FANCB: variants seen among roughly 807,000 people sequenced by gnomAD.
The protein encoded by FANCB is FA complementation group B.
In FANCB, 5 loss-of-function variants were observed where a neutral mutation model predicts 38.9. The observed-to-expected ratio is 0.13, with a 90% CI of 0.07 to 0.27. The LOEUF (loss-of-function observed/expected upper bound fraction) is 0.27. Ranked by LOEUF, FANCB falls within the 10% of genes least tolerant of loss-of-function variation. The pLI is 1.00. For synonymous variants in FANCB, 236 were observed against 215.4 expected (o/e 1.10, Z -0.84); for missense variants, 573 against 602.7 (o/e 0.95, Z 0.52).
the FANCB span, among the ~76,000 whole-genome samples, chrX:14,766,448 C>T: frequency 9.0e-6 from 1 of 111,551 alleles, no homozygotes; most frequent in Middle Eastern, 4.6e-3. Context: ...AATATGTGTT[C>T]TTCCTTCAAA....
At chrX:14,847,200 CCTTGTATGTTTCAAATGTT>C (rs1041392068) in intron 7 of FANCB, among the ~76,000 whole-genome samples, 24 of 110,211 alleles carry the variant, frequency 2.2e-4, no homozygotes, top group African/African-American at 7.9e-4. Context: ...ACACTATTCT[CCTTGTATGTTTCAAATGTT>C]CTATATATAA....
the FANCB span, among the ~76,000 whole-genome samples, chrX:14,700,435 C>A: frequency 9.0e-6 from 1 of 111,002 alleles, no homozygotes; most frequent in South Asian, 3.9e-4. Flanking sequence ...CAGAGACAGG[C>A]AGGGGGAAAG....
the FANCB span, among the ~76,000 whole-genome samples, chrX:14,733,273 C>A: frequency 9.0e-6 from 1 of 111,532 alleles, no homozygotes; most frequent in Non-Finnish European, 1.9e-5. Flanking sequence ...GTTACTGTAG[C>A]CTTGTAGTAT....
intron 7 of FANCB, among the ~76,000 whole-genome samples, chrX:14,849,008 C>A (rs1202321684): frequency 1.8e-5 from 2 of 111,178 alleles, no homozygotes; most frequent in African/African-American, 6.6e-5. Context: ...GCATTGCGGG[C>A]TGCTGGCCAG....
the FANCB span, among the ~76,000 whole-genome samples, chrX:14,794,879 G>T: frequency 8.9e-6 from 1 of 112,080 alleles, no homozygotes; most frequent in East Asian, 2.8e-4. Flanking sequence ...TAAAAGGTGC[G>T]ACTGAGAAGG....
chrX:14,713,118 G>A, the FANCB span, among the ~76,000 whole-genome samples: 1 of 112,061 alleles, frequency 8.9e-6, no homozygotes, highest in East Asian at 2.8e-4. Context: ...GCACGATAAA[G>A]ATCTAGAGAA....
At chrX:14,783,284 G>A in the FANCB span, among the ~76,000 whole-genome samples, 1 of 112,007 alleles carries the variant, frequency 8.9e-6, no homozygotes, top group Non-Finnish European at 1.9e-5. Flanking sequence ...AGCCCTGCTA[G>A]GTCTTTGATG....
chrX:14,774,500 T>A, the FANCB span, among the ~76,000 whole-genome samples: 1 of 111,904 alleles, frequency 8.9e-6, no homozygotes, highest in Non-Finnish European at 1.9e-5. Flanking sequence ...GGTAGCCTTC[T>A]GGAAAAAGAA....
the FANCB span, among the ~76,000 whole-genome samples, chrX:14,823,769 C>T: frequency 5.4e-5 from 6 of 111,495 alleles, no homozygotes; most frequent in Admixed American, 4.7e-4. Flanking sequence ...TAACCACCAC[C>T]CCAATCAAGA....
chrX:14,844,446 T>G, intron 9 of FANCB, 57 bp downstream of exon 9: 1 of 845,123 alleles, frequency 1.2e-6, no homozygotes. Flanking sequence ...AACCACACAT[T>G]GATCACACTC....
At chrX:14,707,975 TC>T in the FANCB span, among the ~76,000 whole-genome samples, 4 of 111,013 alleles carry the variant, frequency 3.6e-5, no homozygotes, top group African/African-American at 9.9e-5. Context: ...TTCTTTTTTT[TC>T]CTTCCTTTCT....
the FANCB span, among the ~76,000 whole-genome samples, chrX:14,814,080 T>C: frequency 1.8e-5 from 2 of 112,008 alleles, no homozygotes; most frequent in African/African-American, 6.5e-5. Context: ...GGGGAAAAGA[T>C]TCCCTATTTA....
chrX:14,829,296 G>T, the FANCB span, among the ~76,000 whole-genome samples: 1 of 111,258 alleles, frequency 9.0e-6, no homozygotes, highest in Admixed American at 9.6e-5. Flanking sequence ...CAGGCTTGTG[G>T]ATTCATTTAC....
At chrX:14,743,649 C>A in the FANCB span, among the ~76,000 whole-genome samples, 1 of 108,301 alleles carries the variant, frequency 9.2e-6, no homozygotes, top group Non-Finnish European at 1.9e-5. Context: ...CCCCTACCAG[C>A]CTATGAGCTT....
intron 2 of FANCB, 94 bp from the exon 3 acceptor site, chrX:14,865,674 A>G (rs776092983): frequency 9.3e-5 from 38 of 406,471 alleles, no homozygotes; most frequent in African/African-American, 8.7e-4. Context: ...GTAACTACAC[A>G]TTTTATTAAG....
At chrX:14,730,325 C>T in the FANCB span, 3 of 1,208,562 alleles carry the variant, frequency 2.5e-6, no homozygotes, top group African/African-American at 3.5e-5. Flanking sequence ...CTCCCACAAC[C>T]GCCAAAAGAT....
intron 2 of FANCB, among the ~76,000 whole-genome samples, 190 bp downstream of exon 2, chrX:14,868,733 A>G (rs1013365727): frequency 2.7e-5 from 3 of 112,100 alleles, no homozygotes; most frequent in African/African-American, 9.7e-5. Context: ...CAAAATAACT[A>G]GATGTTTTTG....
At chrX:14,826,896 TTTC>T in the FANCB span, among the ~76,000 whole-genome samples, 6 of 111,918 alleles carry the variant, frequency 5.4e-5, no homozygotes, top group Admixed American at 1.9e-4. Context: ...AATATTTTTG[TTTC>T]TTTTTTTTAC....
the FANCB span, among the ~76,000 whole-genome samples, chrX:14,829,245 A>C: frequency 6.3e-5 from 7 of 111,759 alleles, no homozygotes; most frequent in Non-Finnish European, 1.3e-4. Flanking sequence ...GTGGGCTTAA[A>C]ATATTCAATA....
Sources: gnomAD v4.1 joint callset for allele counts (sites outside exome capture counted in the v4.1 genomes callset) on GRCh38, gnomAD v4.1.1 for gene constraint, MANE v1.5 for transcripts, NCBI Gene and HGNC (gene_info 2026-07-23, HGNC 2026-07-21) for gene names.